PARD3B: variants seen among roughly 807,000 people sequenced by gnomAD.
The protein encoded by PARD3B is par-3 family cell polarity regulator beta.
Under a neutral mutation model 130.2 loss-of-function variants are expected in PARD3B, and 103 were observed. The observed-to-expected ratio is 0.79, with a 90% CI of 0.67 to 0.93. The LOEUF (loss-of-function observed/expected upper bound fraction) is 0.93. Among genes scored for constraint, PARD3B ranks in the 40% least tolerant of loss-of-function variants. The pLI is 0.00. For missense variants in PARD3B, 1,609 were observed against 1,499.2 expected (o/e 1.07, Z -1.21); for synonymous variants, 583 against 553.2 (o/e 1.05, Z -0.76).
intron 3 of PARD3B, among the ~76,000 whole-genome samples, chr2:205,022,173 A>G (rs1696661794): frequency 6.6e-6 from 1 of 152,180 alleles, no homozygotes; most frequent in African/African-American, 2.4e-5. Context: ...CATGTAATGC[A>G]TGTCTTATCT....
chr2:205,113,526 G>C lies in PARD3B; in HGVS notation c.629G>C (p.Gly210Ala). 6.2e-7 allele frequency: 1 copy of C among 1,613,410 alleles called. No homozygotes were observed. Among genetic ancestry groups the C allele is most frequent in the Non-Finnish European group, 8.5e-7 (1 of 1,179,636 alleles). The change falls in exon 6 of 23, where the codon GGA becomes GCA. Residue 210 changes from glycine (G) to alanine (A), a missense_variant. By Grantham distance (60) the Gly-to-Ala change is moderately conservative. Transcript: ENST00000406610. ...AGAACAGTGGAGATTTCTGGGGAAG[G>C]AGGCCCATTGGGAATACATGTAGTG... ...MTRTVEISGE[G>A]GPLGIHVVPF...
At position 204,888,977 on chromosome 2, in the gene PARD3B, ATGAGGAATATT is replaced by A. The variant is rs567678652; in HGVS notation, c.223-76174_223-76164del. On this transcript the variant is annotated intron_variant, in intron 2 of 22. Coordinates refer to ENST00000406610, the MANE Select transcript of PARD3B (RefSeq NM_001302769.2). Reference sequence around the variant, plus strand: ...TTTATCCCTAGATAACCAAGGCCAGATGAGGAATATTATGTGCAGTGCCAGGGTGAGATAAG... The same window carrying A: ...TTTATCCCTAGATAACCAAGGCCAGAATGTGCAGTGCCAGGGTGAGATAAG... 3.3e-3 allele frequency among the ~76,000 whole-genome samples: 496 copies of A among 152,306 alleles called. 2 individuals are homozygous for A. The highest frequency in any genetic ancestry group is 3.5e-3 in the Non-Finnish European group (239 of 68,020).
In PARD3B at chr2:205,339,903, C is replaced by G. The variant is rs146443540; in HGVS notation, c.2630+38202C>G. On this transcript the variant is annotated intron_variant, in intron 18 of 22. Coordinates refer to ENST00000406610, the MANE Select transcript of PARD3B (RefSeq NM_001302769.2). Reference sequence around the variant, plus strand: ...ATTCCAAGGCCTGTCCCTTGGAAGACAGGGGAGAAGGAGGCAGAAGTAAAG... The same window carrying G: ...ATTCCAAGGCCTGTCCCTTGGAAGAGAGGGGAGAAGGAGGCAGAAGTAAAG... Among the ~76,000 whole-genome samples, 56 of 152,096 alleles carry G rather than the reference C, an allele frequency of 3.7e-4. No homozygotes were observed. The East Asian group carries it at 5.2e-3, about 14-fold the overall frequency.
chr2:204,576,122 C>T (rs181981062), intron 1 of PARD3B, among the ~76,000 whole-genome samples: 3 of 152,182 alleles, frequency 2.0e-5, no homozygotes, highest in African/African-American at 7.2e-5. Flanking sequence ...ATAAATAGCT[C>T]TCTCTGCCTT....
rs141349404 is a variant in PARD3B at position 205,027,302 on chromosome 2, C to T, written c.395-20279C>T. On this transcript the variant is annotated intron_variant, in intron 3 of 22. Coordinates refer to ENST00000406610, the MANE Select transcript of PARD3B (RefSeq NM_001302769.2). ...CATTGTGGTTTTGATTTGCATTTCT[C>T]TGATGATTAGTGATGTTGTGCACCT... is the stretch of plus-strand genomic sequence containing the variant. Among the ~76,000 whole-genome samples, 1,169 of 152,158 alleles carry T rather than the reference C, an allele frequency of 7.7e-3. 10 individuals carry two copies. The highest frequency in any genetic ancestry group is 0.027 in the African/African-American group (1,108 of 41,538).
In PARD3B at chr2:205,615,530, A is replaced by T. The variant is rs758482779; in HGVS notation, c.3335A>T (p.Tyr1112Phe). The change falls in exon 23 of 23, where the codon TAT (tyrosine) becomes TTT (phenylalanine). Residue 1112 changes from tyrosine (Y) to phenylalanine (F), a missense_variant. Transcript: ENST00000406610. ...RGLYKERELP[Y>F]YPGAHPMHPP... The stretch of plus-strand genomic sequence containing the variant: ...CTCTACAAGGAAAGGGAGCTTCCCT[A>T]TTATCCAGGGGCTCATCCTATGCAC... 1.2e-6 allele frequency: 2 copies of T among 1,614,002 alleles called. No individual in the cohort carries two copies. Among genetic ancestry groups the T allele is most frequent in the Admixed American group, 3.3e-5 (2 of 60,002 alleles).
At chr2:204,884,877 A>G (rs987521044) in intron 2 of PARD3B, among the ~76,000 whole-genome samples, 3 of 152,104 alleles carry the variant, frequency 2.0e-5, no homozygotes, top group African/African-American at 4.8e-5. Flanking sequence ...TATCCAGTCT[A>G]TTGATGAGCA....
rs1249163004 is a variant in PARD3B, at chr2:204,987,590, C to T, written c.394+22267C>T. On this transcript the variant is annotated intron_variant, in intron 3 of 22. Coordinates refer to ENST00000406610, the MANE Select transcript of PARD3B (RefSeq NM_001302769.2). ...TGTATCTGTAGTCCCTGGCACAATG[C>T]CTGGTGTGTAGTGGTCAGTCAATAA... Among the ~76,000 whole-genome samples, 3 of 152,090 alleles carry T rather than the reference C, an allele frequency of 2.0e-5. No individual in the cohort carries two copies. In the East Asian group the frequency reaches 5.8e-4, roughly 29 times the overall value.
At position 204,907,221 on chromosome 2, in the gene PARD3B, C is replaced by G. The variant is rs943344998; in HGVS notation, c.223-57931C>G. On this transcript the variant is annotated intron_variant, in intron 2 of 22. Coordinates refer to ENST00000406610, the MANE Select transcript of PARD3B (RefSeq NM_001302769.2). This position sits in a 1 kb window ranked among gnomAD's most constrained non-coding sequence, Gnocchi z 5.7. ...GGTCTTGATCTTCTGACCTTGTTAT[C>G]CACCCACCTCGGCCTCCCAAAGTGC... Among the ~76,000 whole-genome samples, 2 of 152,034 alleles carry G rather than the reference C, an allele frequency of 1.3e-5. No individual in the cohort carries two copies. Among genetic ancestry groups the G allele is most frequent in the Non-Finnish European group, 2.9e-5 (2 of 68,026 alleles).
At chr2:204,778,981 C>T (rs2041739539) in intron 2 of PARD3B, among the ~76,000 whole-genome samples, 1 of 152,132 alleles carries the variant, frequency 6.6e-6, no homozygotes, top group Non-Finnish European at 1.5e-5. Context: ...GCCGCCTCAG[C>T]CTCATCTCAA....
chr2:205,066,375 C>G (rs1422986895), intron 4 of PARD3B, among the ~76,000 whole-genome samples: 1 of 152,178 alleles, frequency 6.6e-6, no homozygotes, highest in African/African-American at 2.4e-5. Flanking sequence ...TATTCTCACT[C>G]TCATGGAAGG....
chr2:204,786,880 A>G (rs2042027386), intron 2 of PARD3B, among the ~76,000 whole-genome samples: 2 of 151,994 alleles, frequency 1.3e-5, no homozygotes, highest in African/African-American at 4.8e-5. Flanking sequence ...TGTAATAAAG[A>G]TGAAAAATAT....
intron 14 of PARD3B, among the ~76,000 whole-genome samples, chr2:205,192,449 A>T (rs1182232962): frequency 6.6e-6 from 1 of 152,174 alleles, no homozygotes; most frequent in African/African-American, 2.4e-5. Context: ...GTTTATTAAA[A>T]TTATATAAAT....
chr2:205,513,414 A>G (rs974796137), intron 21 of PARD3B, among the ~76,000 whole-genome samples: 3 of 152,064 alleles, frequency 2.0e-5, no homozygotes, highest in Non-Finnish European at 2.9e-5. Flanking sequence ...ACAGGCAAAC[A>G]GGAAAGAACT....
intron 16 of PARD3B, among the ~76,000 whole-genome samples, chr2:205,249,006 G>GTT (rs10707308): frequency 0.01 from 986 of 95,080 alleles, 23 homozygotes; most frequent in East Asian, 0.022. Flanking sequence ...TAAAATAAGA[G>GTT]TTTTTTTTTT....
chr2:204,595,875 T>G (rs1264660586), intron 1 of PARD3B, among the ~76,000 whole-genome samples: 1 of 152,264 alleles, frequency 6.6e-6, no homozygotes, highest in Non-Finnish European at 1.5e-5. Context: ...GGGCTCAATT[T>G]GAATTCTTCA....
At chr2:205,354,026 C>CTTTTTTTTTTT (rs869308018) in intron 18 of PARD3B, among the ~76,000 whole-genome samples, 11 of 50,362 alleles carry the variant, frequency 2.2e-4, no homozygotes, top group Admixed American at 3.7e-4. Context: ...TTTTCTTTTC[C>CTTTTTTTTTTT]TTTTTTTTTT....
chr2:205,515,829 C>T (rs59078726), intron 21 of PARD3B, among the ~76,000 whole-genome samples: 3,480 of 151,994 alleles, frequency 0.023, 121 homozygotes, highest in African/African-American at 0.077. Context: ...TTTTTGCTTT[C>T]GTTGTGATTG....
chr2:205,360,653 G>C (rs914647619), intron 18 of PARD3B, among the ~76,000 whole-genome samples: 3 of 152,234 alleles, frequency 2.0e-5, no homozygotes, highest in East Asian at 3.9e-4. Context: ...CCTGGGGTTG[G>C]GGCATACCGT....
Sources: gnomAD v4.1 joint callset for allele counts (sites outside exome capture counted in the v4.1 genomes callset) on GRCh38, gnomAD v4.1.1 for gene constraint, Gnocchi (gnomAD v3.1) non-coding constraint, MANE v1.5 for transcripts, NCBI Gene and HGNC (gene_info 2026-07-23, HGNC 2026-07-21) for gene names.